The following SHTN1 variants were observed in gnomAD, a reference collection of about 807,000 sequenced individuals.
The protein encoded by SHTN1 is shootin 1.
A neutral mutation model predicts 83.1 loss-of-function variants in SHTN1; 42 were observed. That is an observed-to-expected ratio of 0.51 (90% CI 0.39 to 0.65). SHTN1 has a LOEUF of 0.65. SHTN1 is among the 30% of genes least tolerant of loss of function. The probability of loss-of-function intolerance (pLI) is 0.00; values close to 1 mark genes in which losing one functional copy is unlikely to be tolerated. For synonymous variants in SHTN1, 224 were observed against 247.7 expected, an observed-to-expected ratio of 0.90 and a Z score of 0.90; for missense variants, 622 against 737.8, an observed-to-expected ratio of 0.84 and a Z score of 1.82.
chr10:117,015,092 CCTGA>C (rs1367119207), intron 2 of SHTN1, among the ~76,000 whole-genome samples: 2 of 151,260 alleles, frequency 1.3e-5, no homozygotes, highest in African/African-American at 2.4e-5. Context: ...TTTTTTTTTC[CCTGA>C]CTGATTTGCA....
chr10:117,065,832 G>A (rs1361265068), intron 1 of SHTN1, among the ~76,000 whole-genome samples: 2 of 79,262 alleles, frequency 2.5e-5, no homozygotes, highest in African/African-American at 5.1e-5. Context: ...AAGGAAGGAA[G>A]GAAGGAAGGA....
intron 1 of SHTN1, among the ~76,000 whole-genome samples, chr10:117,077,532 G>T (rs562903520): frequency 7.9e-5 from 12 of 152,074 alleles, no homozygotes; most frequent in African/African-American, 2.9e-4. Context: ...CAACGTGCAG[G>T]TTTGTTACAT....
chr10:117,079,084 T>C (rs1421646900), intron 1 of SHTN1, among the ~76,000 whole-genome samples: 1 of 152,042 alleles, frequency 6.6e-6, no homozygotes, highest in African/African-American at 2.4e-5. Context: ...GTGCACATTG[T>C]GCAGGTTAGT....
chr10:116,960,234 G>T lies in SHTN1; in HGVS notation c.173-4C>A. 4 of 1,494,902 alleles carry T rather than the reference G, an allele frequency of 2.7e-6. No individual in the cohort carries two copies. The highest frequency in any genetic ancestry group is 3.7e-6 in the Non-Finnish European group (4 of 1,073,550). The allele number at this position is 1,494,902 out of a possible 1,614,324, so 92.6% of individuals were successfully genotyped here. A position where few individuals can be genotyped will look rare whatever the true frequency, so the allele number is the denominator to read the frequency against. On this transcript the variant is annotated splice_region_variant and splice_polypyrimidine_tract_variant and intron_variant, in intron 3 of 16. Coordinates refer to ENST00000355371, the MANE Select transcript of SHTN1 (RefSeq NM_001127211.3). ...TCCTCTATGACCATGTGAGAAACTAGGAATGAGGGGGAAAAAAAATCTCAG... is the reference window on the plus strand; with the variant it reads ...TCCTCTATGACCATGTGAGAAACTATGAATGAGGGGGAAAAAAAATCTCAG...
chr10:116,935,707 T>C (rs1382820804), intron 9 of SHTN1, among the ~76,000 whole-genome samples: 1 of 152,228 alleles, frequency 6.6e-6, no homozygotes, highest in East Asian at 1.9e-4. Flanking sequence ...AGTCCCTCTT[T>C]TTCTATTGCT....
At chr10:116,997,024 A>ACTT (rs1264531627) in intron 1 of SHTN1, among the ~76,000 whole-genome samples, 1 of 152,248 alleles carries the variant, frequency 6.6e-6, no homozygotes, top group Non-Finnish European at 1.5e-5. Flanking sequence ...GATGAAGGAA[A>ACTT]CTATCTGCCT....
intron 9 of SHTN1, among the ~76,000 whole-genome samples, chr10:116,939,085 A>C (rs1239441711): frequency 1.3e-5 from 2 of 152,266 alleles, no homozygotes; most frequent in Admixed American, 1.3e-4. Context: ...AAGCCAGTGG[A>C]TCTTGGCTTG....
chr10:117,075,539 C>T (rs1853139633), intron 1 of SHTN1, among the ~76,000 whole-genome samples: 1 of 152,244 alleles, frequency 6.6e-6, no homozygotes, highest in African/African-American at 2.4e-5. Flanking sequence ...CTAGGGAATA[C>T]AAACTAATAA....
At chr10:116,923,021 G>T (rs1026592388) in intron 11 of SHTN1, among the ~76,000 whole-genome samples, 12 of 151,952 alleles carry the variant, frequency 7.9e-5, no homozygotes, top group Admixed American at 6.6e-4. Flanking sequence ...AGATCACAAT[G>T]ATACATGAAA....
At chr10:116,957,179 C>G (rs1264701588) in intron 4 of SHTN1, among the ~76,000 whole-genome samples, 2 of 151,628 alleles carry the variant, frequency 1.3e-5, no homozygotes, top group Non-Finnish European at 2.9e-5. Flanking sequence ...TGTAGCTATT[C>G]ATCAAGCTAT....
At chr10:116,936,251 T>C (rs1849155081) in intron 9 of SHTN1, among the ~76,000 whole-genome samples, 1 of 152,200 alleles carries the variant, frequency 6.6e-6, no homozygotes. Flanking sequence ...ATTCTTTTAA[T>C]TGTGATGTTA....
intron 1 of SHTN1, among the ~76,000 whole-genome samples, chr10:117,070,261 G>T (rs916583444): frequency 6.6e-6 from 1 of 152,100 alleles, no homozygotes; most frequent in Non-Finnish European, 1.5e-5. Flanking sequence ...TCTTATGTGT[G>T]TGTGTGTGGA....
chr10:117,024,906 C>A (rs1327609029), intron 2 of SHTN1, among the ~76,000 whole-genome samples: 1 of 152,130 alleles, frequency 6.6e-6, no homozygotes, highest in Non-Finnish European at 1.5e-5. Context: ...CTGTACAATT[C>A]TTTCAACTTT....
intron 3 of SHTN1, among the ~76,000 whole-genome samples, chr10:116,961,182 G>A (rs1273728539): frequency 6.6e-6 from 1 of 151,412 alleles, no homozygotes; most frequent in Non-Finnish European, 1.5e-5. Flanking sequence ...AAAAAGCACT[G>A]GGCTCACATA....
intron 1 of SHTN1, among the ~76,000 whole-genome samples, chr10:116,993,603 C>T (rs1000087194): frequency 6.6e-6 from 1 of 151,958 alleles, no homozygotes. Context: ...GTAGTAACTG[C>T]CTAACATACA....
chr10:117,070,222 T>C (rs997962567), intron 1 of SHTN1, among the ~76,000 whole-genome samples: 2 of 151,956 alleles, frequency 1.3e-5, no homozygotes, highest in Admixed American at 1.3e-4. Context: ...TACCACTAAG[T>C]GGATATGGGA....
intron 9 of SHTN1, among the ~76,000 whole-genome samples, chr10:116,939,551 C>T (rs11593168): frequency 0.015 from 2,319 of 152,296 alleles, 23 homozygotes; most frequent in Non-Finnish European, 0.023. Context: ...AGAAATCACC[C>T]GCCTTCTGCG....
At chr10:116,936,472 T>C (rs1356179864) in intron 9 of SHTN1, among the ~76,000 whole-genome samples, 5 of 152,226 alleles carry the variant, frequency 3.3e-5, no homozygotes, top group Admixed American at 6.5e-5. Context: ...CAGATAGTTA[T>C]GCAGTTTTGA....
intron 2 of SHTN1, among the ~76,000 whole-genome samples, chr10:116,976,946 G>A (rs1282996700): frequency 2.0e-5 from 3 of 152,172 alleles, no homozygotes; most frequent in Non-Finnish European, 4.4e-5. Flanking sequence ...GCCTACAGAT[G>A]TCATGAAAGT....
Sources: gnomAD v4.1 joint callset for allele counts (sites outside exome capture counted in the v4.1 genomes callset) on GRCh38, gnomAD v4.1.1 for gene constraint, MANE v1.5 for transcripts, NCBI Gene and HGNC (gene_info 2026-07-23, HGNC 2026-07-21) for gene names.